PHF24: variants seen among roughly 807,000 people sequenced by gnomAD.
PHF24 encodes Galpha inhibitory interacting protein.
Under a neutral mutation model 42.6 loss-of-function variants are expected in PHF24, and 25 were observed. That is an observed-to-expected ratio of 0.59 (90% CI 0.43 to 0.82). The LOEUF is 0.82. PHF24 is among the 40% of genes least tolerant of loss of function. The pLI, the probability that PHF24 is intolerant of heterozygous loss-of-function variation, is 0.00. For synonymous variants in PHF24, 185 were observed against 204.8 expected (o/e 0.90, Z 0.83); for missense variants, 470 against 538.1 (o/e 0.87, Z 1.25).
the PHF24 span, chr9:34,723,481 G>C: frequency 6.4e-7 from 1 of 1,551,822 alleles, no homozygotes; most frequent in Non-Finnish European, 8.7e-7. Flanking sequence ...CTGGAGCCAG[G>C]CTCTTTGCAA....
the PHF24 span, chr9:34,918,198 C>G: frequency 6.8e-7 from 1 of 1,460,742 alleles, no homozygotes; most frequent in Non-Finnish European, 9.6e-7. Flanking sequence ...AGACCATCAC[C>G]CCTCTGCCAA....
the PHF24 span, chr9:34,833,622 G>A: frequency 6.5e-7 from 1 of 1,538,488 alleles, no homozygotes; most frequent in Non-Finnish European, 8.8e-7. Flanking sequence ...TTTCTCAGGT[G>A]GAAGTTTAGT....
chr9:34,717,565 A>G, the PHF24 span, among the ~76,000 whole-genome samples: 5 of 152,148 alleles, frequency 3.3e-5, no homozygotes, highest in Non-Finnish European at 5.9e-5. Flanking sequence ...TGACCCTGAC[A>G]TTCTTTAAGA....
the PHF24 span, among the ~76,000 whole-genome samples, chr9:34,708,082 A>G: frequency 2.0e-5 from 3 of 151,778 alleles, no homozygotes; most frequent in East Asian, 5.8e-4. Context: ...CTTCTTTCTC[A>G]CATTGTCTGG....
the PHF24 span, among the ~76,000 whole-genome samples, chr9:34,841,953 CTTTA>C: frequency 6.6e-6 from 1 of 152,210 alleles, no homozygotes; most frequent in Admixed American, 6.5e-5. Context: ...ATCCTCAAAA[CTTTA>C]TTTATACCGC....
At chr9:34,940,924 G>A in the PHF24 span, among the ~76,000 whole-genome samples, 1 of 152,148 alleles carries the variant, frequency 6.6e-6, no homozygotes, top group Admixed American at 6.5e-5. Context: ...TAAACACAAG[G>A]AGCCTGAAAT....
the PHF24 span, among the ~76,000 whole-genome samples, chr9:34,876,539 C>T: frequency 1.3e-5 from 2 of 152,084 alleles, no homozygotes; most frequent in African/African-American, 4.8e-5. Flanking sequence ...AATAGACAGA[C>T]AGTCTCCAAA....
the PHF24 span, among the ~76,000 whole-genome samples, chr9:34,861,539 A>G: frequency 6.6e-6 from 1 of 152,234 alleles, no homozygotes; most frequent in African/African-American, 2.4e-5. Context: ...TCATGAAGAC[A>G]TATCAAAAGG....
the PHF24 span, among the ~76,000 whole-genome samples, chr9:34,887,993 G>GT: frequency 0.16 from 23,904 of 151,752 alleles, 2,476 homozygotes; most frequent in East Asian, 0.48. Flanking sequence ...ATTTTACTGT[G>GT]TTTTTTTTTT....
chr9:34,960,415 G>A (rs114191670), intron 1 of PHF24, among the ~76,000 whole-genome samples: 35 of 152,190 alleles, frequency 2.3e-4, no homozygotes, highest in African/African-American at 7.5e-4. Context: ...GCTACCTTGC[G>A]CGCAACTCAG....
At chr9:34,709,757 A>C in the PHF24 span, 1 of 1,610,072 alleles carries the variant, frequency 6.2e-7, no homozygotes, top group East Asian at 2.2e-5. Context: ...GCCAGTACCC[A>C]CCCCTTTGTG....
At chr9:34,941,702 G>A in the PHF24 span, among the ~76,000 whole-genome samples, 1 of 152,158 alleles carries the variant, frequency 6.6e-6, no homozygotes, top group East Asian at 1.9e-4. Flanking sequence ...ATAGACAGAT[G>A]TCTTCTCACT....
At chr9:34,978,129 C>G in exon 8 of PHF24, 1 of 1,585,528 alleles carries the variant, frequency 6.3e-7, no homozygotes, top group Non-Finnish European at 8.7e-7. Context: ...CAGAGAAGCT[C>G]GGTTTGAGGA....
chr9:34,884,567 A>G, the PHF24 span, among the ~76,000 whole-genome samples: 1 of 152,276 alleles, frequency 6.6e-6, no homozygotes, highest in East Asian at 1.9e-4. Flanking sequence ...GACTCAGAGC[A>G]TGTGGAAATT....
the PHF24 span, among the ~76,000 whole-genome samples, chr9:34,944,797 G>A: frequency 6.6e-6 from 1 of 151,136 alleles, no homozygotes; most frequent in Non-Finnish European, 1.5e-5. Flanking sequence ...GATTGCTTGA[G>A]TCCAGGAGTT....
chr9:34,733,928 A>G, the PHF24 span, among the ~76,000 whole-genome samples: 1 of 151,958 alleles, frequency 6.6e-6, no homozygotes, highest in Admixed American at 6.5e-5. Flanking sequence ...TAGAACCTGT[A>G]TTAGTTAAGA....
the PHF24 span, chr9:34,724,939 C>T: frequency 5.8e-6 from 9 of 1,551,336 alleles, no homozygotes; most frequent in Non-Finnish European, 7.8e-6. Flanking sequence ...CAATGGCTTC[C>T]ACAGACAAGA....
the PHF24 span, among the ~76,000 whole-genome samples, chr9:34,867,946 C>A: frequency 2.6e-5 from 4 of 152,126 alleles, no homozygotes. Context: ...ACTTGTGCCC[C>A]GCCACAAGTC....
chr9:34,714,550 TG>T, the PHF24 span, among the ~76,000 whole-genome samples: 1 of 152,178 alleles, frequency 6.6e-6, no homozygotes, highest in Non-Finnish European at 1.5e-5. Flanking sequence ...AGCCAACAAA[TG>T]TGTATTTTTA....
Sources: allele counts gnomAD v4.1 joint callset (sites outside exome capture counted in the v4.1 genomes callset), GRCh38; gene constraint gnomAD v4.1.1; transcripts MANE v1.5; gene names NCBI Gene and HGNC (gene_info 2026-07-23, HGNC 2026-07-21).